ZBTB16: variants seen among roughly 807,000 people sequenced by gnomAD.
The protein encoded by ZBTB16 is zinc finger and BTB domain containing 16, also known as zinc finger and BTB domain-containing protein 16.
In ZBTB16, 8 loss-of-function variants were observed where a neutral mutation model predicts 56.8. That is an observed-to-expected ratio of 0.14 (90% CI 0.08 to 0.25). The LOEUF (loss-of-function observed/expected upper bound fraction) is 0.25, where lower values mean the gene tolerates loss of function less well. ZBTB16 is among the 10% of genes least tolerant of loss of function. ZBTB16 has a pLI of 1.00. For missense variants in ZBTB16, 625 were observed against 903.0 expected, an observed-to-expected ratio of 0.69 and a Z score of 3.95; for synonymous variants, 363 against 368.5, an observed-to-expected ratio of 0.98 and a Z score of 0.17.
chr11:114,113,501 C>A (rs988992736), intron 2 of ZBTB16, among the ~76,000 whole-genome samples: 1 of 152,166 alleles, frequency 6.6e-6, no homozygotes, highest in East Asian at 1.9e-4. Flanking sequence ...TAATCATGAC[C>A]TATTCCCAAA....
intron 4 of ZBTB16, among the ~76,000 whole-genome samples, chr11:114,205,976 A>G (rs906068706): frequency 6.6e-6 from 1 of 152,134 alleles, no homozygotes; most frequent in Non-Finnish European, 1.5e-5. Context: ...CTAGAGGGCA[A>G]GGTCTTGGCC....
intron 4 of ZBTB16, among the ~76,000 whole-genome samples, chr11:114,215,472 G>A (rs574216683): frequency 6.6e-6 from 1 of 152,190 alleles, no homozygotes. Flanking sequence ...AGATATGGCA[G>A]CTCATTCAGA....
Position 114,064,937 on chromosome 11 carries a change from G to A in ZBTB16, c.1268+369G>A, listed in dbSNP as rs1281487908. Reference sequence around the variant, plus strand: ...AAAAGGAGTGGGATGAGGGTCTCTTGGGCCCTGCATCTGACCATGTTACTA... The same window carrying A: ...AAAAGGAGTGGGATGAGGGTCTCTTAGGCCCTGCATCTGACCATGTTACTA... On this transcript the variant is annotated intron_variant, in intron 2 of 6. Transcript: ENST00000335953. The surrounding 1 kb of genome is among the most constrained non-coding windows in gnomAD (Gnocchi z 4.2). Among the ~76,000 whole-genome samples the A allele has an allele frequency of 1.3e-5, 2 of 152,096 alleles. No individual in the cohort carries two copies. The highest frequency in any genetic ancestry group is 4.8e-5 in the African/African-American group (2 of 41,410).
chr11:114,233,123 A>T (rs1471118805), intron 4 of ZBTB16, among the ~76,000 whole-genome samples: 673 of 52,022 alleles, frequency 0.013, 13 homozygotes, highest in African/African-American at 0.023. Context: ...ACACACACAC[A>T]CACTCTCTCT....
chr11:114,232,838 C>T (rs933123843), intron 4 of ZBTB16, among the ~76,000 whole-genome samples: 1 of 152,198 alleles, frequency 6.6e-6, no homozygotes. Flanking sequence ...CCATTGTCCT[C>T]GCCCCCAGCG....
rs1221754946 is a variant in ZBTB16, at chr11:114,255,496, C to T, written c.*4941C>T. 7.0e-6 allele frequency among the ~76,000 whole-genome samples: 1 copy of T among 143,626 alleles called. No individual in the cohort carries two copies. The highest frequency in any genetic ancestry group is 1.5e-5 in the Non-Finnish European group (1 of 67,764). 94.2% of individuals were successfully genotyped at this position (143,626 alleles called of 152,430 possible). On this transcript the variant is annotated 3_prime_UTR_variant, in exon 7 of 7. Coordinates refer to ENST00000335953, the MANE Select transcript of ZBTB16 (RefSeq NM_006006.6). ...GCCCTCCCCTCCTCCCTCTGGCTCCCCGTCTCATTTCTGTCCACTCCATTC... is the reference window on the plus strand; with the variant it reads ...GCCCTCCCCTCCTCCCTCTGGCTCCTCGTCTCATTTCTGTCCACTCCATTC...
intron 2 of ZBTB16, among the ~76,000 whole-genome samples, chr11:114,068,155 G>GTTTAT (rs1939194515): frequency 1.3e-5 from 2 of 151,978 alleles, no homozygotes; most frequent in Middle Eastern, 3.4e-3. Context: ...AGGCTACAGG[G>GTTTAT]TTTATTTTAT....
chr11:114,059,980 G>A lies in ZBTB16; in HGVS notation c.-91+98G>A. ...GTCTGGGGGGCGCGCGCTCGCTTCG[G>A]CCACTCGGCCGCTGGGCTTGTGCCT... On this transcript the variant is annotated intron_variant, in intron 1 of 6. Transcript: ENST00000335953. This position sits in a 1 kb window ranked among gnomAD's most constrained non-coding sequence, Gnocchi z 5.3. 2.5e-6 allele frequency: 1 copy of A among 393,544 alleles called. No individual in the cohort carries two copies. The highest frequency in any genetic ancestry group is 4.5e-6 in the Non-Finnish European group (1 of 223,186). 24.4% of individuals were successfully genotyped at this position (393,544 alleles called of 1,614,324 possible). A position where few individuals can be genotyped will look rare whatever the true frequency, so the allele number is the denominator to read the frequency against.
Position 114,254,536 on chromosome 11 carries a change from T to G in ZBTB16, c.*3981T>G, listed in dbSNP as rs991352307. Among the ~76,000 whole-genome samples the G allele has an allele frequency of 2.0e-5, 3 of 152,164 alleles. No homozygotes were observed. The highest frequency in any genetic ancestry group is 7.2e-5 in the African/African-American group (3 of 41,422). On this transcript the variant is annotated 3_prime_UTR_variant, in exon 7 of 7. Coordinates refer to ENST00000335953, the MANE Select transcript of ZBTB16 (RefSeq NM_006006.6). ...GGAGAGAGCAGAGGTGGGGCAGCCT[T>G]TCGACTCTGTCCATGACGGCTGGCA... is the stretch of plus-strand genomic sequence containing the variant.
Position 114,249,358 on chromosome 11 carries a change from T to C in ZBTB16, c.1793-968T>C, listed in dbSNP as rs1944874445. On this transcript the variant is annotated intron_variant, in intron 6 of 6. Transcript: ENST00000335953. ...CTGTGATCCCAGCTACTTGGGAGGC[T>C]GAGGCAGGACAATCACTTGAACCCG... 4.8e-5 allele frequency among the ~76,000 whole-genome samples: 7 copies of C among 144,968 alleles called. No individual in the cohort carries two copies. In the Admixed American group the frequency reaches 5.0e-4, roughly 10 times the overall value.
chr11:114,080,235 T>C (rs1359901464), intron 2 of ZBTB16, among the ~76,000 whole-genome samples: 15 of 228 alleles, frequency 0.066, no homozygotes, highest in East Asian at 0.31. Context: ...CAGCATGTAT[T>C]TTTTTCCCCT....
At chr11:114,207,078 TG>T (rs1422898204) in intron 4 of ZBTB16, among the ~76,000 whole-genome samples, 1 of 152,156 alleles carries the variant, frequency 6.6e-6, no homozygotes, top group African/African-American at 2.4e-5. Context: ...GCAGAGTTGA[TG>T]GCTGCAGCCC....
chr11:114,156,213 G>A, intron 2 of ZBTB16, 124 bp from the exon 3 acceptor site: 1 of 874,962 alleles, frequency 1.1e-6, no homozygotes, highest in East Asian at 2.6e-5. Flanking sequence ...TTCCATCGGT[G>A]CCCTCCTGTT....
In ZBTB16 at chr11:114,064,070, C is replaced by G; in HGVS notation, c.770C>G (p.Pro257Arg). The G allele has an allele frequency of 6.2e-7, 1 of 1,613,638 alleles. No individual in the cohort carries two copies. The highest frequency in any genetic ancestry group is 8.5e-7 in the Non-Finnish European group (1 of 1,179,882). Residue 257 changes from proline (P) to arginine (R), a missense_variant, in exon 2 of 7, where the codon CCT (proline) becomes CGT (arginine). Transcript: ENST00000335953. This position sits in a 1 kb window ranked among gnomAD's most constrained non-coding sequence, Gnocchi z 4.2. ...QVDEVPSQDS[P>R]GAAESSISGG... The stretch of plus-strand genomic sequence containing the variant: ...GATGAGGTGCCCAGCCAGGACAGCC[C>G]TGGGGCAGCCGAGTCCAGCATCTCA...
chr11:114,208,438 A>G (rs1943932438), intron 4 of ZBTB16, among the ~76,000 whole-genome samples: 1 of 152,178 alleles, frequency 6.6e-6, no homozygotes, highest in African/African-American at 2.4e-5. Context: ...TTAGGACACC[A>G]TACCTGCCCT....
chr11:114,199,692 A>C (rs2852788), intron 4 of ZBTB16, among the ~76,000 whole-genome samples: 1 of 152,168 alleles, frequency 6.6e-6, no homozygotes, highest in Non-Finnish European at 1.5e-5. Context: ...CAAGAAAAGT[A>C]CTGTTTGGGG....
chr11:114,209,435 G>A (rs759701744), intron 4 of ZBTB16: 90 of 985,242 alleles, frequency 9.1e-5, no homozygotes, highest in Non-Finnish European at 9.3e-5. Context: ...GGAGACCCCG[G>A]TGCCTGGATT....
chr11:114,184,234 C>A (rs938093924), intron 3 of ZBTB16, among the ~76,000 whole-genome samples: 9 of 152,212 alleles, frequency 5.9e-5, no homozygotes, highest in Non-Finnish European at 1.0e-4. Flanking sequence ...CCCCAGAGGA[C>A]CCCACATTCT....
chr11:114,238,367 A>C (rs1353971114), intron 4 of ZBTB16, among the ~76,000 whole-genome samples: 1 of 152,148 alleles, frequency 6.6e-6, no homozygotes, highest in African/African-American at 2.4e-5. Flanking sequence ...TATACACAGC[A>C]GACATGCATT....
Sources: gnomAD v4.1 joint callset for allele counts (sites outside exome capture counted in the v4.1 genomes callset) on GRCh38, gnomAD v4.1.1 for gene constraint, Gnocchi (gnomAD v3.1) non-coding constraint, MANE v1.5 for transcripts, NCBI Gene and HGNC (gene_info 2026-07-23, HGNC 2026-07-21) for gene names.